GAPVD1: variants seen among roughly 807,000 people sequenced by gnomAD.
GAPVD1 encodes GTPase activating protein and VPS9 domains 1, also known as GTPase-activating protein and VPS9 domain-containing protein 1.
Under a neutral mutation model 155.5 loss-of-function variants are expected in GAPVD1, and 35 were observed. The observed-to-expected ratio is 0.23, with a 90% CI of 0.17 to 0.30. The LOEUF (loss-of-function observed/expected upper bound fraction) is 0.30, where lower values mean the gene tolerates loss of function less well. GAPVD1 is among the 10% of genes least tolerant of loss of function. The pLI is 1.00. For synonymous variants in GAPVD1, 636 were observed against 619.7 expected, an observed-to-expected ratio of 1.03 and a Z score of -0.39; for missense variants, 1,429 against 1,775.7, an observed-to-expected ratio of 0.80 and a Z score of 3.51.
chr9:125,362,060 G>A (rs1027611324), intron 27 of GAPVD1, among the ~76,000 whole-genome samples: 1 of 152,152 alleles, frequency 6.6e-6, no homozygotes, highest in Non-Finnish European at 1.5e-5. Flanking sequence ...TGTAGAGCCA[G>A]TTTAAGCTAG....
chr9:125,282,016 C>T (rs944566905), intron 2 of GAPVD1, among the ~76,000 whole-genome samples: 2 of 152,238 alleles, frequency 1.3e-5, no homozygotes, highest in African/African-American at 2.4e-5. Flanking sequence ...TTTAGTGGCT[C>T]ATGCCTGTAA....
intron 2 of GAPVD1, among the ~76,000 whole-genome samples, chr9:125,277,750 G>A (rs1836025666): frequency 6.7e-6 from 1 of 150,288 alleles, no homozygotes; most frequent in South Asian, 2.1e-4. Context: ...GCTTACTGCA[G>A]CCTTGACCTC....
intron 15 of GAPVD1, among the ~76,000 whole-genome samples, chr9:125,335,569 C>T (rs546704524): frequency 2.6e-5 from 4 of 151,824 alleles, no homozygotes; most frequent in East Asian, 2.0e-4. Flanking sequence ...GCCAGCTACT[C>T]GGGAGGCTGA....
chr9:125,266,917 C>T (rs1306287077), intron 1 of GAPVD1, among the ~76,000 whole-genome samples: 2 of 151,868 alleles, frequency 1.3e-5, no homozygotes, highest in Admixed American at 6.6e-5. Flanking sequence ...CGTGCCACCA[C>T]ACCTGGCTAA....
chr9:125,317,707 T>C (rs911893784), intron 9 of GAPVD1, among the ~76,000 whole-genome samples: 7 of 151,470 alleles, frequency 4.6e-5, no homozygotes, highest in African/African-American at 1.5e-4. Context: ...CTCAAGACTT[T>C]AAATCAATTT....
At chr9:125,314,121 T>G (rs1843045374) in intron 9 of GAPVD1, among the ~76,000 whole-genome samples, 1 of 152,178 alleles carries the variant, frequency 6.6e-6, no homozygotes, top group African/African-American at 2.4e-5. Flanking sequence ...ACTTTTCCAG[T>G]GACTTGTAGG....
chr9:125,302,600 A>G lies in GAPVD1; in HGVS notation c.803A>G (p.Tyr268Cys), dbSNP rs200721068. 33 of 1,614,104 alleles carry G rather than the reference A, an allele frequency of 2.0e-5. No homozygotes were observed. In the Admixed American group the frequency reaches 4.3e-4, roughly 21 times the overall value. Residue 268 changes from tyrosine to cysteine, a missense_variant, in exon 5 of 28, where the codon TAT (tyrosine) becomes TGT (cysteine). By Grantham distance (194) the Tyr-to-Cys change is radical. Transcript: ENST00000297933. ...GCTTTGGTGAACAAATTTATTGGTT[A>G]TCTCAAACAGAACACATATTGTTTT... ...LVALVNKFIG[Y>C]LKQNTYCFPH... is the part of the protein sequence containing the mutation.
chr9:125,336,954 A>T, intron 15 of GAPVD1, 64 bp from the exon 16 acceptor site: 1 of 906,842 alleles, frequency 1.1e-6, no homozygotes, highest in Middle Eastern at 3.1e-4. Context: ...AAAACCCTTT[A>T]AACTGTGTTG....
Position 125,342,286 on chromosome 9 carries a change from C to T in GAPVD1, c.3033C>T (p.Phe1011=). The T allele has an allele frequency of 1.3e-6, 2 of 1,582,430 alleles. No individual in the cohort carries two copies. The highest frequency in any genetic ancestry group is 1.7e-6 in the Non-Finnish European group (2 of 1,151,234). The change falls in exon 19 of 28, where the codon TTC becomes TTT. Residue 1011 remains phenylalanine, a synonymous_variant. Coordinates refer to ENST00000297933, the MANE Select transcript of GAPVD1 (RefSeq NM_001282680.3). ...KDKDDLGPDR[F]STLTDDPSPR... is the part of the protein sequence containing the mutation. ...AAGATGATCTGGGGCCTGACAGATT[C>T]TCAACACTCACAGGTTTGTAGACCC...
chr9:125,284,571 C>T (rs935180807), intron 2 of GAPVD1, among the ~76,000 whole-genome samples: 1 of 151,986 alleles, frequency 6.6e-6, no homozygotes, highest in East Asian at 1.9e-4. Context: ...CTCAGCCTCC[C>T]AAAGCACTGA....
At chr9:125,335,596 G>T (rs1487601106) in intron 15 of GAPVD1, among the ~76,000 whole-genome samples, 1 of 152,058 alleles carries the variant, frequency 6.6e-6, no homozygotes, top group Non-Finnish European at 1.5e-5. Context: ...AGAATCGCTT[G>T]AACCCAGGAG....
intron 1 of GAPVD1, among the ~76,000 whole-genome samples, chr9:125,265,378 A>C (rs1019528309): frequency 1.3e-5 from 2 of 151,762 alleles, no homozygotes; most frequent in Non-Finnish European, 2.9e-5. Flanking sequence ...AGCTAGGACT[A>C]TAGGTCGGCA....
In GAPVD1 at chr9:125,307,793, A is replaced by T; in HGVS notation, c.1354A>T (p.Ser452Cys). ...CCTACCCCCGGCCAAGCCAGGAAAA[A>T]GTAGCAGTTTAGAAATGACTCCCTA... ...ANLPPAKPGK[S>C]SSLEMTPYNT... Residue 452 changes from serine to cysteine, a missense_variant, in exon 8 of 28, where the codon AGT (serine) becomes TGT (cysteine). This residue lies in a region of GAPVD1 where 628 missense variants were observed against 733.4 expected (regional missense o/e 0.86). Coordinates refer to ENST00000297933, the MANE Select transcript of GAPVD1 (RefSeq NM_001282680.3). 3 of 1,613,836 alleles carry T rather than the reference A, an allele frequency of 1.9e-6. No individual in the cohort carries two copies. Among genetic ancestry groups the T allele is most frequent in the Non-Finnish European group, 2.5e-6 (3 of 1,179,722 alleles).
intron 6 of GAPVD1, 102 bp downstream of exon 6, chr9:125,305,251 T>A: frequency 6.8e-6 from 5 of 737,944 alleles, no homozygotes; most frequent in Non-Finnish European, 1.2e-5. Flanking sequence ...TTAAATGTTC[T>A]TTTAATTAGC....
intron 4 of GAPVD1, 48 bp downstream of exon 4, chr9:125,299,154 C>T: frequency 1.0e-6 from 1 of 980,588 alleles, no homozygotes; most frequent in Non-Finnish European, 1.5e-6. Flanking sequence ...CACTATGATT[C>T]TGTAAATAAA....
chr9:125,358,870 G>T (rs1263884099), intron 25 of GAPVD1, among the ~76,000 whole-genome samples: 1 of 152,192 alleles, frequency 6.6e-6, no homozygotes, highest in Non-Finnish European at 1.5e-5. Context: ...TTTATAGAGG[G>T]TGGAAAGCCA....
intron 19 of GAPVD1, 130 bp from the exon 20 acceptor site, chr9:125,346,689 A>G: frequency 1.3e-6 from 1 of 782,346 alleles, no homozygotes; most frequent in Non-Finnish European, 2.3e-6. Flanking sequence ...GCCTCTTAAC[A>G]TTGAGATATG....
chr9:125,328,193 T>C (rs930667949), intron 12 of GAPVD1, among the ~76,000 whole-genome samples: 27 of 150,328 alleles, frequency 1.8e-4, no homozygotes, highest in Non-Finnish European at 1.5e-5. Context: ...GATTTCTTTT[T>C]TTTTTTTTTT....
At chr9:125,359,280 A>C (rs1247837746) in intron 25 of GAPVD1, 140 bp from the exon 26 acceptor site, 12 of 661,928 alleles carry the variant, frequency 1.8e-5, no homozygotes, top group Non-Finnish European at 3.0e-5. Context: ...AAGAGGCTCA[A>C]CTCTAACTGT....
Sources: gnomAD v4.1 joint callset for allele counts (sites outside exome capture counted in the v4.1 genomes callset) on GRCh38, gnomAD v4.1.1 for gene constraint, gnomAD v4.1.1 regional missense constraint, MANE v1.5 for transcripts, NCBI Gene and HGNC (gene_info 2026-07-23, HGNC 2026-07-21) for gene names.